TMEM132D: variants seen among roughly 807,000 people sequenced by gnomAD.
TMEM132D encodes transmembrane protein 132D, also known as mature OL transmembrane protein.
A neutral mutation model predicts 62.3 loss-of-function variants in TMEM132D; 21 were observed. That is an observed-to-expected ratio of 0.34 (90% CI 0.24 to 0.49). The LOEUF is 0.49. Among genes scored for constraint, TMEM132D ranks in the 20% least tolerant of loss-of-function variants. The probability of loss-of-function intolerance (pLI) is 0.99; values close to 1 mark genes in which losing one functional copy is unlikely to be tolerated. For synonymous variants in TMEM132D, 621 were observed against 575.6 expected, an observed-to-expected ratio of 1.08 and a Z score of -1.13; for missense variants, 1,346 against 1,402.8, an observed-to-expected ratio of 0.96 and a Z score of 0.65.
At chr12:129,407,420 A>G (rs541668993) in intron 3 of TMEM132D, among the ~76,000 whole-genome samples, 1 of 152,204 alleles carries the variant, frequency 6.6e-6, no homozygotes, top group Non-Finnish European at 1.5e-5. Context: ...CTAGAGGAAA[A>G]GTCACCAGGT....
intron 3 of TMEM132D, among the ~76,000 whole-genome samples, chr12:129,457,259 C>A (rs915965671): frequency 1.3e-5 from 2 of 151,842 alleles, no homozygotes; most frequent in Admixed American, 6.6e-5. Flanking sequence ...ACTATGCAGA[C>A]ATAAAAAATG....
intron 2 of TMEM132D, among the ~76,000 whole-genome samples, chr12:129,626,494 G>A (rs979406983): frequency 4.0e-5 from 6 of 151,104 alleles, no homozygotes; most frequent in African/African-American, 1.5e-4. Flanking sequence ...GTCTCGCTCT[G>A]TTGCCCAGGC....
At chr12:129,744,020 A>C (rs1869695168) in intron 1 of TMEM132D, among the ~76,000 whole-genome samples, 1 of 152,218 alleles carries the variant, frequency 6.6e-6, no homozygotes, top group Non-Finnish European at 1.5e-5. Context: ...GAACCTATAC[A>C]GCTATCTACA....
chr12:129,130,261 A>G (rs963584941), intron 5 of TMEM132D, among the ~76,000 whole-genome samples: 1 of 151,988 alleles, frequency 6.6e-6, no homozygotes, highest in Non-Finnish European at 1.5e-5. Context: ...CCAAGGTCCC[A>G]TCTCCTTCTG....
chr12:129,903,573 A>G lies in TMEM132D; in HGVS notation c.-234T>C. On this transcript the variant is annotated 5_prime_UTR_variant, in exon 1 of 9. Transcript: ENST00000422113. This position sits in a 1 kb window ranked among gnomAD's most constrained non-coding sequence, Gnocchi z 6.2. ...CCGGAGTCCAACACGCGCGCAGGCA[A>G]ACCCCACCTCCCTCCTTCGACCCCA... is the stretch of plus-strand genomic sequence containing the variant. 1.8e-6 allele frequency: 1 copy of G among 563,396 alleles called. No homozygotes were observed. Among genetic ancestry groups the G allele is most frequent in the East Asian group, 3.0e-5 (1 of 33,826 alleles). 34.9% of individuals were successfully genotyped at this position (563,396 alleles called of 1,614,324 possible). A position where few individuals can be genotyped will look rare whatever the true frequency, so the allele number is the denominator to read the frequency against.
chr12:129,122,050 T>A (rs1031315999), intron 5 of TMEM132D, among the ~76,000 whole-genome samples: 14 of 152,164 alleles, frequency 9.2e-5, no homozygotes, highest in Admixed American at 2.0e-4. Flanking sequence ...TAGAATGCAG[T>A]CACTCATCTC....
chr12:129,828,780 A>AGG (rs1329243869), intron 1 of TMEM132D, among the ~76,000 whole-genome samples: 7 of 31,500 alleles, frequency 2.2e-4, no homozygotes, highest in African/African-American at 7.4e-4. Context: ...GGGAGGAAGA[A>AGG]AAGGAGGGAG....
chr12:129,104,150 G>T (rs1435521218), intron 5 of TMEM132D, among the ~76,000 whole-genome samples: 1 of 149,904 alleles, frequency 6.7e-6, no homozygotes, highest in Non-Finnish European at 1.5e-5. Context: ...TATACTACAA[G>T]GCTACAGTAA....
At chr12:129,496,229 A>T (rs935949634) in intron 3 of TMEM132D, among the ~76,000 whole-genome samples, 1 of 152,202 alleles carries the variant, frequency 6.6e-6, no homozygotes, top group African/African-American at 2.4e-5. Flanking sequence ...GAGCTGAGAG[A>T]GTTAGAAGTA....
chr12:129,529,897 A>T (rs536291999), intron 3 of TMEM132D, among the ~76,000 whole-genome samples: 1 of 152,254 alleles, frequency 6.6e-6, no homozygotes, highest in Non-Finnish European at 1.5e-5. Flanking sequence ...CAATTTGTGT[A>T]TCTATAAGTT....
intron 1 of TMEM132D, among the ~76,000 whole-genome samples, chr12:129,700,912 T>A (rs1415327628): frequency 6.6e-6 from 1 of 152,240 alleles, no homozygotes; most frequent in Non-Finnish European, 1.5e-5. Flanking sequence ...ACCAGTATCA[T>A]TTAACCTATA....
At chr12:129,251,092 T>C (rs925393039) in intron 4 of TMEM132D, among the ~76,000 whole-genome samples, 6 of 152,108 alleles carry the variant, frequency 3.9e-5, no homozygotes, top group South Asian at 2.1e-4. Flanking sequence ...GCGCCGTGGC[T>C]CACGCCTGTA....
intron 1 of TMEM132D, among the ~76,000 whole-genome samples, chr12:129,900,884 G>A (rs1472125492): frequency 2.0e-5 from 3 of 152,144 alleles, no homozygotes; most frequent in Non-Finnish European, 4.4e-5. Flanking sequence ...GGTCCCAGGG[G>A]CATAGAAATA....
At chr12:129,530,676 G>C (rs1876190970) in intron 3 of TMEM132D, among the ~76,000 whole-genome samples, 1 of 152,204 alleles carries the variant, frequency 6.6e-6, no homozygotes, top group Non-Finnish European at 1.5e-5. Flanking sequence ...TGTGAAGAGA[G>C]ACGTATAGGC....
chr12:129,463,261 A>AT (rs1325404615), intron 3 of TMEM132D, among the ~76,000 whole-genome samples: 1 of 151,722 alleles, frequency 6.6e-6, no homozygotes, highest in African/African-American at 2.4e-5. Flanking sequence ...ATTTTATTTT[A>AT]TTTATTTTTT....
chr12:129,490,923 C>G (rs1029913725), intron 3 of TMEM132D, among the ~76,000 whole-genome samples: 3 of 152,072 alleles, frequency 2.0e-5, no homozygotes, highest in African/African-American at 7.2e-5. Flanking sequence ...ACATTTCCTG[C>G]CTACCCCCTA....
In TMEM132D at chr12:129,685,528, GGCAGAAGACT is replaced by G. The variant is rs910722640; in HGVS notation, c.968+14272_968+14281del. ...ATGTATGGAAATCCCTGGATGTCCAGGCAGAAGACTGCTACAGGGGCAGGGCCCTCATGGA... is the reference window on the plus strand; with the variant it reads ...ATGTATGGAAATCCCTGGATGTCCAGGCTACAGGGGCAGGGCCCTCATGGA... On this transcript the variant is annotated intron_variant, in intron 2 of 8. Transcript: ENST00000422113. 2.2e-4 allele frequency among the ~76,000 whole-genome samples: 34 copies of G among 152,342 alleles called. 1 individual carries two copies. The highest frequency in any genetic ancestry group is 3.4e-3 in the Middle Eastern group (1 of 294).
intron 3 of TMEM132D, among the ~76,000 whole-genome samples, chr12:129,429,579 TTTC>T (rs1352443081): frequency 2.9e-4 from 38 of 129,448 alleles, no homozygotes; most frequent in Admixed American, 4.2e-4. Flanking sequence ...CAGCTAATTC[TTTC>T]TTTTTTTTTT....
At chr12:129,518,721 C>G (rs1165750586) in intron 3 of TMEM132D, among the ~76,000 whole-genome samples, 1 of 151,964 alleles carries the variant, frequency 6.6e-6, no homozygotes, top group Non-Finnish European at 1.5e-5. Context: ...TTTAAAACAC[C>G]ATTTTGTCAG....
Sources: allele counts gnomAD v4.1 joint callset (sites outside exome capture counted in the v4.1 genomes callset), GRCh38; gene constraint gnomAD v4.1.1; non-coding constraint Gnocchi (gnomAD v3.1); transcripts MANE v1.5; gene names NCBI Gene and HGNC (gene_info 2026-07-23, HGNC 2026-07-21).